CHRNB2: variants seen among roughly 807,000 people sequenced by gnomAD.
The protein encoded by CHRNB2 is cholinergic receptor nicotinic beta 2 subunit.
A neutral mutation model predicts 42.7 loss-of-function variants in CHRNB2; 33 were observed. The observed-to-expected ratio is 0.77, with a 90% CI of 0.59 to 1.03. The LOEUF (loss-of-function observed/expected upper bound fraction) is 1.03. Ranked by LOEUF, CHRNB2 falls within the 50% of genes least tolerant of loss-of-function variation. The pLI, the probability that CHRNB2 is intolerant of heterozygous loss-of-function variation, is 0.00. For missense variants in CHRNB2, 603 were observed against 700.9 expected (o/e 0.86, Z 1.58); for synonymous variants, 325 against 292.9 (o/e 1.11, Z -1.12).
In CHRNB2 at chr1:154,571,851, TGCCCGC is replaced by T; in HGVS notation, c.1031_1036del (p.Pro344_Ala345del). On this transcript the variant is annotated inframe_deletion, in exon 5 of 6. Transcript: ENST00000368476. This position sits in a 1 kb window ranked among gnomAD's most constrained non-coding sequence, Gnocchi z 6.8. ...GTGAAGGTCGTCTTCCTGGAGAAGC[TGCCCGC>T]GCTGCTCTTCATGCAGCAGCCACGC... is the stretch of plus-strand genomic sequence containing the variant. The T allele has an allele frequency of 6.2e-7, 1 of 1,609,786 alleles. No homozygotes were observed. The highest frequency in any genetic ancestry group is 8.5e-7 in the Non-Finnish European group (1 of 1,179,156).
chr1:154,570,389 G>T, intron 4 of CHRNB2, 22 bp downstream of exon 4: 1 of 1,464,492 alleles, frequency 6.8e-7, no homozygotes, highest in Non-Finnish European at 9.5e-7. Flanking sequence ...GGGAAGGTTG[G>T]GGGAGACCAT....
Position 154,567,846 on chromosome 1 carries a change from A to C in CHRNB2, c.-199A>C, listed in dbSNP as rs199925735. ...CAGCCGGAAAAGCCTCCGCCTGCTC[A>C]TACCAGGATAGGCAAGAAGCTGGTT... On this transcript the variant is annotated 5_prime_UTR_variant, in exon 1 of 6. Coordinates refer to ENST00000368476, the MANE Select transcript of CHRNB2 (RefSeq NM_000748.3). 8.6e-6 allele frequency: 4 copies of C among 466,106 alleles called. No homozygotes were observed. Among genetic ancestry groups the C allele is most frequent in the Non-Finnish European group, 1.5e-5 (4 of 269,196 alleles). 28.9% of individuals were successfully genotyped at this position (466,106 alleles called of 1,614,324 possible).
intron 5 of CHRNB2, among the ~76,000 whole-genome samples, chr1:154,575,154 T>TA (rs1351323310): frequency 6.6e-6 from 1 of 152,246 alleles, no homozygotes; most frequent in Non-Finnish European, 1.5e-5. Context: ...GCCATTTACT[T>TA]AACACTCTTG....
chr1:154,568,255 C>T, intron 1 of CHRNB2, 147 bp downstream of exon 1: 3 of 931,882 alleles, frequency 3.2e-6, no homozygotes, highest in South Asian at 1.4e-5. Flanking sequence ...TAGGGGAGAG[C>T]CCCCCGGGAC....
Position 154,579,315 on chromosome 1 carries a change from A to G in CHRNB2, c.*3383A>G, listed in dbSNP as rs1696344417. 1 of 152,200 alleles carries G rather than the reference A, an allele frequency of 6.6e-6. No homozygotes were observed. The highest frequency in any genetic ancestry group is 2.4e-5 in the African/African-American group (1 of 41,432). 9.4% of individuals were successfully genotyped at this position (152,200 alleles called of 1,614,324 possible). ...ATGCGTTGTCTTTATTCCGCGTGAC[A>G]ATCCTATGGGAAGGGGCCTCCACCT... On this transcript the variant is annotated 3_prime_UTR_variant, in exon 6 of 6. Coordinates refer to ENST00000368476, the MANE Select transcript of CHRNB2 (RefSeq NM_000748.3).
intron 3 of CHRNB2, 127 bp downstream of exon 3, chr1:154,569,963 A>T: frequency 1.9e-6 from 2 of 1,078,106 alleles, no homozygotes; most frequent in Non-Finnish European, 2.8e-6. Context: ...GTCCTAAACA[A>T]TTGGATTTGA....
At position 154,571,699 on chromosome 1, in the gene CHRNB2, C is replaced by T. The variant is rs1047791388; in HGVS notation, c.876C>T (p.Leu292=). 3.1e-6 allele frequency: 5 copies of T among 1,613,662 alleles called. No individual in the cohort carries two copies. The highest frequency in any genetic ancestry group is 1.3e-5 in the African/African-American group (1 of 75,024). The change falls in exon 5 of 6, where the codon CTC becomes CTT. Residue 292 remains leucine (L), a synonymous_variant. Transcript: ENST00000368476. This position sits in a 1 kb window ranked among gnomAD's most constrained non-coding sequence, Gnocchi z 6.8. ...LISKIVPPTS[L]DVPLVGKYLM... is the part of the protein sequence containing the mutation. ...CCAAGATCGTGCCTCCCACCTCCCT[C>T]GACGTGCCGCTCGTCGGCAAGTACC...
Position 154,577,586 on chromosome 1 carries a change from GCA to G in CHRNB2, c.*1657_*1658del, listed in dbSNP as rs75857876. 0.072 allele frequency: 10,898 copies of G among 152,252 alleles called. 436 individuals are homozygous for G. Among genetic ancestry groups the G allele is most frequent in the East Asian group, 0.17 (904 of 5,168 alleles). The allele number at this position is 152,252 out of a possible 1,614,324, so 9.4% of individuals were successfully genotyped here. A position where few individuals can be genotyped will look rare whatever the true frequency, so the allele number is the denominator to read the frequency against. ...GTGAAAAAGTCTAGCGCTGTACCTG[GCA>G]CAGAGTAGATGCTTCATGAATGTTG... On this transcript the variant is annotated 3_prime_UTR_variant, in exon 6 of 6. Transcript: ENST00000368476.
In CHRNB2 at chr1:154,578,242, G is replaced by C. The variant is rs79916715; in HGVS notation, c.*2310G>C. 1 of 152,304 alleles carries C rather than the reference G, an allele frequency of 6.6e-6. No individual in the cohort carries two copies. Among genetic ancestry groups the C allele is most frequent in the Admixed American group, 6.5e-5 (1 of 15,292 alleles). 9.4% of individuals were successfully genotyped at this position (152,304 alleles called of 1,614,324 possible). ...GCTCTCCCAGGGCCTGGGCTACCCC[G>C]AGGCCCCAGCAGCTGCTGCTGTGGC... On this transcript the variant is annotated 3_prime_UTR_variant, in exon 6 of 6. Transcript: ENST00000368476.
At chr1:154,574,229 G>A (rs1696228356) in intron 5 of CHRNB2, among the ~76,000 whole-genome samples, 1 of 152,144 alleles carries the variant, frequency 6.6e-6, no homozygotes, top group South Asian at 2.1e-4. Flanking sequence ...AAATAATTCA[G>A]TGTGTCTCTC....
rs562795161 is a variant in CHRNB2 at position 154,579,212 on chromosome 1, G to A, written c.*3280G>A. On this transcript the variant is annotated 3_prime_UTR_variant, in exon 6 of 6. Coordinates refer to ENST00000368476, the MANE Select transcript of CHRNB2 (RefSeq NM_000748.3). ...AGGAAACAGGGAGGGCTCTTTGGAT[G>A]GTTTGGGGACCTGGGGCTGTTTGTA... The A allele has an allele frequency of 2.0e-5, 3 of 152,342 alleles. No individual in the cohort carries two copies. Among genetic ancestry groups the A allele is most frequent in the East Asian group, 1.9e-4 (1 of 5,172 alleles). 9.4% of individuals were successfully genotyped at this position (152,342 alleles called of 1,614,324 possible).
At chr1:154,574,876 C>A (rs973321172) in intron 5 of CHRNB2, among the ~76,000 whole-genome samples, 2 of 152,184 alleles carry the variant, frequency 1.3e-5, no homozygotes, top group African/African-American at 2.4e-5. Context: ...CTCCCCACCC[C>A]CTGAGCTGGC....
Position 154,569,241 on chromosome 1 carries a change from G to A in CHRNB2, c.65-221G>A, listed in dbSNP as rs138398618. 0.014 allele frequency among the ~76,000 whole-genome samples: 2,077 copies of A among 152,096 alleles called. 20 individuals are homozygous for A. The highest frequency in any genetic ancestry group is 0.032 in the South Asian group (152 of 4,808). ...GTTCTTAGTCTCAAGTCATCTCTGT[G>A]GAGCTGTGTAGACTCTTTGGTCAGT... On this transcript the variant is annotated intron_variant, in intron 1 of 5. Coordinates refer to ENST00000368476, the MANE Select transcript of CHRNB2 (RefSeq NM_000748.3).
In CHRNB2 at chr1:154,576,050, C is replaced by T; in HGVS notation, c.*118C>T. ...GGGGCGCTGCCCCCACAGATCCATC[C>T]TTTTGCTTCATCTGGAGTCCCTCCT... On this transcript the variant is annotated 3_prime_UTR_variant, in exon 6 of 6. Transcript: ENST00000368476. 7.5e-7 allele frequency: 1 copy of T among 1,340,376 alleles called. No homozygotes were observed. Among genetic ancestry groups the T allele is most frequent in the Non-Finnish European group, 1.1e-6 (1 of 945,388 alleles). The allele number at this position is 1,340,376 out of a possible 1,614,324, so 83.0% of individuals were successfully genotyped here.
At chr1:154,574,461 AG>A (rs1696233438) in intron 5 of CHRNB2, among the ~76,000 whole-genome samples, 2 of 152,088 alleles carry the variant, frequency 1.3e-5, no homozygotes, top group African/African-American at 4.8e-5. Flanking sequence ...ACAGTTCCTC[AG>A]CTTTGTCTTT....
At chr1:154,575,705 C>G in intron 5 of CHRNB2, 57 bp from the exon 6 acceptor site, 1 of 1,580,068 alleles carries the variant, frequency 6.3e-7, no homozygotes, top group Admixed American at 1.7e-5. Flanking sequence ...CGCTTATACT[C>G]GTTTGTCTCC....
chr1:154,570,015 C>T (rs1571020743), intron 3 of CHRNB2, among the ~76,000 whole-genome samples, 179 bp downstream of exon 3: 1 of 152,330 alleles, frequency 6.6e-6, no homozygotes, highest in South Asian at 2.1e-4. Context: ...ACATATTAAA[C>T]TCTCCAAGAT....
Position 154,569,443 on chromosome 1 carries a change from C to T in CHRNB2, c.65-19C>T, listed in dbSNP as rs1016512965. 1 of 1,613,188 alleles carries T rather than the reference C, an allele frequency of 6.2e-7. No individual in the cohort carries two copies. Among genetic ancestry groups the T allele is most frequent in the Non-Finnish European group, 8.5e-7 (1 of 1,179,928 alleles). On this transcript the variant is annotated intron_variant, in intron 1 of 5. Transcript: ENST00000368476. ...CTCTCCTTGCCTGCTTACTTTCGTC[C>T]TGCCTTTCCCCTGCCCAGGGGTGTG...
At chr1:154,569,655 G>A (rs1325596788) in intron 2 of CHRNB2, 48 bp downstream of exon 2, 7 of 1,613,348 alleles carry the variant, frequency 4.3e-6, no homozygotes, top group African/African-American at 1.3e-5. Context: ...AATCAGCCCC[G>A]CCAAAATGTG....
Sources: gnomAD v4.1 joint callset for allele counts (sites outside exome capture counted in the v4.1 genomes callset) on GRCh38, gnomAD v4.1.1 for gene constraint, Gnocchi (gnomAD v3.1) non-coding constraint, MANE v1.5 for transcripts, NCBI Gene and HGNC (gene_info 2026-07-23, HGNC 2026-07-21) for gene names.